Variants in SNX29 observed in about 807,000 individuals in gnomAD.
The protein encoded by SNX29 is sorting nexin 29, also known as sorting nexin-29.
Under a neutral mutation model 102.1 loss-of-function variants are expected in SNX29, and 78 were observed. The observed-to-expected ratio is 0.76, with a 90% CI of 0.64 to 0.92. SNX29 has a LOEUF of 0.92. SNX29 is among the 40% of genes least tolerant of loss of function. SNX29 has a pLI of 0.00. For missense variants in SNX29, 1,280 were observed against 1,061.7 expected (o/e 1.21, Z -2.86); for synonymous variants, 580 against 414.5 (o/e 1.40, Z -4.85).
At chr16:12,421,541 T>G (rs1423972971) in intron 18 of SNX29, among the ~76,000 whole-genome samples, 1 of 152,230 alleles carries the variant, frequency 6.6e-6, no homozygotes, top group East Asian at 1.9e-4. Context: ...GGCCTCTTAC[T>G]CTGTAACTGC....
rs1249420541 is a variant in SNX29, at chr16:12,058,495, G to GTTTTTTTTTTTTTTTTTTTTT, written c.1125-3017_1125-3016insTTTTTTTTTTTTTTTTTTTTT. Among the ~76,000 whole-genome samples, 4 of 106,508 alleles carry GTTTTTTTTTTTTTTTTTTTTT rather than the reference G, an allele frequency of 3.8e-5. 1 individual carries two copies. The highest frequency in any genetic ancestry group is 7.8e-5 in the African/African-American group (2 of 25,756). 69.9% of individuals were successfully genotyped at this position (106,508 alleles called of 152,430 possible). ...CTGGTGTTTTTTTTTTTGGTTTTTG[G>GTTTTTTTTTTTTTTTTTTTTT]TTTTTTTTTTTTTTTTGAGATGGAG... On this transcript the variant is annotated intron_variant, in intron 8 of 20. Transcript: ENST00000566228.
intron 20 of SNX29, among the ~76,000 whole-genome samples, chr16:12,547,743 C>T (rs1344952947): frequency 6.6e-6 from 1 of 152,276 alleles, no homozygotes; most frequent in Admixed American, 6.5e-5. Context: ...CCCTCTAAGC[C>T]TCCTCCTGTG....
chr16:12,287,697 T>C (rs2079643588), intron 15 of SNX29, among the ~76,000 whole-genome samples: 1 of 152,236 alleles, frequency 6.6e-6, no homozygotes, highest in Admixed American at 6.5e-5. Flanking sequence ...TGGTGAGTGT[T>C]CAAATTTGTA....
intron 20 of SNX29, among the ~76,000 whole-genome samples, chr16:12,547,923 G>A (rs567998017): frequency 6.6e-6 from 1 of 152,088 alleles, no homozygotes; most frequent in Non-Finnish European, 1.5e-5. Context: ...GGGGTTCAGG[G>A]ATACCTCAAT....
At chr16:12,013,630 T>G (rs1242250973) in intron 3 of SNX29, among the ~76,000 whole-genome samples, 1 of 147,300 alleles carries the variant, frequency 6.8e-6, no homozygotes, top group Non-Finnish European at 1.5e-5. Flanking sequence ...AATTATTTAT[T>G]TTTATTTATT....
At chr16:12,332,392 G>T (rs1000661101) in intron 15 of SNX29, among the ~76,000 whole-genome samples, 1 of 152,182 alleles carries the variant, frequency 6.6e-6, no homozygotes, top group Non-Finnish European at 1.5e-5. Context: ...CATCTAGCTG[G>T]GTTGCTCATT....
intron 18 of SNX29, among the ~76,000 whole-genome samples, chr16:12,439,427 G>A (rs3930611): frequency 0.2 from 29,702 of 152,098 alleles, 2,904 homozygotes; most frequent in South Asian, 0.31. Context: ...ACCAGAGACC[G>A]GGCAATTTAC....
chr16:12,142,148 G>A (rs542502233), intron 13 of SNX29, among the ~76,000 whole-genome samples: 145 of 152,280 alleles, frequency 9.5e-4, no homozygotes, highest in African/African-American at 3.3e-3. Context: ...CAGTTGCCCC[G>A]ATCTTTTTGA....
intron 14 of SNX29, among the ~76,000 whole-genome samples, chr16:12,243,406 G>A (rs2078170646): frequency 6.6e-6 from 1 of 152,190 alleles, no homozygotes; most frequent in Admixed American, 6.5e-5. Context: ...GTCTCCTGCA[G>A]TTGGTAAGTA....
chr16:12,261,193 G>A (rs892800034), intron 14 of SNX29, among the ~76,000 whole-genome samples: 4 of 141,970 alleles, frequency 2.8e-5, no homozygotes, highest in Non-Finnish European at 6.1e-5. Flanking sequence ...GCTGAGCTCC[G>A]GTCTGTGCGT....
rs145929710 is a variant in SNX29 at position 12,029,425 on chromosome 16, G to A, written c.247+1981G>A. On this transcript the variant is annotated intron_variant, in intron 4 of 20. Coordinates refer to ENST00000566228, the MANE Select transcript of SNX29 (RefSeq NM_032167.5). Reference sequence around the variant, plus strand: ...AAAAATTAATGAAAAGTGACCCAGAGCTCTACACAGACTTGGCTTGCTGTC... The same window carrying A: ...AAAAATTAATGAAAAGTGACCCAGAACTCTACACAGACTTGGCTTGCTGTC... Among the ~76,000 whole-genome samples, 466 of 152,176 alleles carry A rather than the reference G, an allele frequency of 3.1e-3. 3 individuals carry two copies. Among genetic ancestry groups the A allele is most frequent in the African/African-American group, 0.011 (438 of 41,504 alleles).
At chr16:12,561,786 G>C (rs542703856) in intron 20 of SNX29, among the ~76,000 whole-genome samples, 2 of 152,244 alleles carry the variant, frequency 1.3e-5, no homozygotes, top group African/African-American at 4.8e-5. Context: ...TCAGGACCAC[G>C]CGTGGCCTGG....
chr16:12,061,002 G>A (rs1231195542), intron 8 of SNX29, among the ~76,000 whole-genome samples: 1 of 152,194 alleles, frequency 6.6e-6, no homozygotes, highest in Non-Finnish European at 1.5e-5. Flanking sequence ...TCAGGTGGCT[G>A]CTGTCATTTC....
At chr16:12,277,447 T>C (rs1347545876) in intron 14 of SNX29, among the ~76,000 whole-genome samples, 1 of 152,166 alleles carries the variant, frequency 6.6e-6, no homozygotes, top group East Asian at 1.9e-4. Context: ...CAACCAGCTC[T>C]TATGTCTTGC....
chr16:12,302,281 A>G (rs1181198463), intron 15 of SNX29, among the ~76,000 whole-genome samples: 1 of 152,226 alleles, frequency 6.6e-6, no homozygotes, highest in African/African-American at 2.4e-5. Context: ...ATTTCCAAAA[A>G]GTAAAAGTCA....
At chr16:12,277,231 T>TA (rs923189850) in intron 14 of SNX29, among the ~76,000 whole-genome samples, 24 of 151,876 alleles carry the variant, frequency 1.6e-4, no homozygotes, top group African/African-American at 4.1e-4. Flanking sequence ...CTACAAAAAC[T>TA]AAAAAAACAA....
intron 3 of SNX29, among the ~76,000 whole-genome samples, chr16:12,025,986 T>G (rs1043663032): frequency 6.6e-6 from 1 of 152,188 alleles, no homozygotes; most frequent in Non-Finnish European, 1.5e-5. Context: ...CTCATCTATA[T>G]TAAAGTGTTG....
At position 12,408,121 on chromosome 16, in the gene SNX29, G is replaced by A. The variant is rs1289364817; in HGVS notation, c.2037+4592G>A. 1.3e-5 allele frequency among the ~76,000 whole-genome samples: 2 copies of A among 151,054 alleles called. 1 individual carries two copies. Among genetic ancestry groups the A allele is most frequent in the Non-Finnish European group, 2.9e-5 (2 of 67,928 alleles). ...TGCACTGAGCTGTTATAATGCCACT[G>A]CCACTCCGGCCTGGGTGGCAGAGCA... On this transcript the variant is annotated intron_variant, in intron 18 of 20. Transcript: ENST00000566228.
chr16:12,425,780 G>A (rs563712828), intron 18 of SNX29, among the ~76,000 whole-genome samples: 2 of 152,036 alleles, frequency 1.3e-5, no homozygotes, highest in Non-Finnish European at 1.5e-5. Flanking sequence ...AATTCCTCTC[G>A]GAATTCCTCT....
Sources: allele counts gnomAD v4.1 joint callset (sites outside exome capture counted in the v4.1 genomes callset), GRCh38; gene constraint gnomAD v4.1.1; transcripts MANE v1.5; gene names NCBI Gene and HGNC (gene_info 2026-07-23, HGNC 2026-07-21).